The following STPG2 variants were observed in gnomAD, a reference collection of about 807,000 sequenced individuals.
The protein encoded by STPG2 is sperm tail PG-rich repeat containing 2.
A neutral mutation model predicts 54.2 loss-of-function variants in STPG2; 56 were observed. The observed-to-expected ratio is 1.03, with a 90% CI of 0.83 to 1.29. STPG2 has a LOEUF of 1.29. Among genes scored for constraint, STPG2 ranks in the 50% most tolerant of loss-of-function variants. The probability of loss-of-function intolerance (pLI) is 0.00; values close to 1 mark genes in which losing one functional copy is unlikely to be tolerated. For missense variants in STPG2, 596 were observed against 544.9 expected, an observed-to-expected ratio of 1.09 and a Z score of -0.93; for synonymous variants, 200 against 181.8, an observed-to-expected ratio of 1.10 and a Z score of -0.81.
At chr4:97,548,956 C>A (rs1731905279) in intron 4 of STPG2, among the ~76,000 whole-genome samples, 1 of 32,664 alleles carries the variant, frequency 3.1e-5, no homozygotes, top group African/African-American at 3.1e-4. Context: ...CCTGAAAACT[C>A]ATTTTTATTG....
chr4:97,498,154 T>G (rs1239093233), intron 4 of STPG2, among the ~76,000 whole-genome samples: 1 of 152,010 alleles, frequency 6.6e-6, no homozygotes, highest in East Asian at 1.9e-4. Context: ...AAACATAGTC[T>G]AGTCCCCATG....
At chr4:98,010,326 T>C (rs1157984568) in intron 5 of STPG2, among the ~76,000 whole-genome samples, 1 of 152,140 alleles carries the variant, frequency 6.6e-6, no homozygotes, top group East Asian at 1.9e-4. Context: ...ACGTTTTAAT[T>C]GCCTTCTTAA....
chr4:98,118,694 A>G lies in STPG2; in HGVS notation c.388-9389T>C, dbSNP rs571773255. ...TGCTGCTATGGAAGTAGGGCTCCTTAAAGAAGTGGCTGATTGCAAGGCTCA... is the reference window on the plus strand; with the variant it reads ...TGCTGCTATGGAAGTAGGGCTCCTTGAAGAAGTGGCTGATTGCAAGGCTCA... On this transcript the variant is annotated intron_variant, in intron 3 of 10. Coordinates refer to ENST00000295268, the MANE Select transcript of STPG2 (RefSeq NM_174952.3). 2.0e-5 allele frequency among the ~76,000 whole-genome samples: 3 copies of G among 152,244 alleles called. No individual in the cohort carries two copies. In the East Asian group the frequency reaches 5.8e-4, roughly 29 times the overall value.
At chr4:97,997,778 T>C in intron 5 of STPG2, among the ~76,000 whole-genome samples, 1 of 152,118 alleles carries the variant, frequency 6.6e-6, no homozygotes, top group Non-Finnish European at 1.5e-5. Context: ...AAATACTACA[T>C]GTTCTCACTT....
chr4:97,712,808 G>T lies in STPG2; in HGVS notation c.1211C>A (p.Ala404Glu). The T allele has an allele frequency of 1.3e-6, 2 of 1,590,320 alleles. No homozygotes were observed. The highest frequency in any genetic ancestry group is 8.6e-7 in the Non-Finnish European group (1 of 1,167,564). The part of the protein sequence containing the change: ...LEKVTDGPGP[A>E]AYNPVLRKSC... Reference sequence around the variant, plus strand: ...TTTCCTTAAAACAGGATTGTATGCTGCAGGACCTGAGAGACAACAAATGTA... The same window carrying T: ...TTTCCTTAAAACAGGATTGTATGCTTCAGGACCTGAGAGACAACAAATGTA... The change falls in exon 10 of 11, where the codon GCA becomes GAA. Residue 404 changes from alanine (A) to glutamate (E), a missense_variant. Physicochemically the swap from Ala to Glu is moderately radical, Grantham distance 107 (BLOSUM62 -1). Transcript: ENST00000295268.
At chr4:97,722,499 T>A (rs1327184079) in intron 9 of STPG2, among the ~76,000 whole-genome samples, 2 of 152,114 alleles carry the variant, frequency 1.3e-5, no homozygotes, top group East Asian at 3.8e-4. Context: ...TTGAGGGGTT[T>A]TATTTTGTGT....
At chr4:97,622,310 C>T (rs999803308) in intron 10 of STPG2, among the ~76,000 whole-genome samples, 1 of 151,960 alleles carries the variant, frequency 6.6e-6, no homozygotes, top group African/African-American at 2.4e-5. Flanking sequence ...TAAAAGGCAT[C>T]CAAATAGGAA....
At chr4:97,747,146 C>G (rs943202915) in intron 9 of STPG2, among the ~76,000 whole-genome samples, 22 of 151,210 alleles carry the variant, frequency 1.5e-4, no homozygotes, top group African/African-American at 4.6e-4. Context: ...TGTCTAATCT[C>G]TATAGTGGAG....
At chr4:97,874,868 T>C (rs1730116870) in intron 8 of STPG2, among the ~76,000 whole-genome samples, 1 of 151,824 alleles carries the variant, frequency 6.6e-6, no homozygotes, top group Non-Finnish European at 1.5e-5. Flanking sequence ...AGAAAAGTTA[T>C]GACTCTCTCC....
At chr4:98,121,373 A>ACT (rs35686065) in intron 3 of STPG2, among the ~76,000 whole-genome samples, 60,008 of 151,670 alleles carry the variant, frequency 0.4, 12,085 homozygotes, top group Middle Eastern at 0.46. Flanking sequence ...GGCTATACAG[A>ACT]CTCTTTTGGT....
intron 8 of STPG2, among the ~76,000 whole-genome samples, chr4:97,935,423 C>T (rs189177343): frequency 1.2e-4 from 19 of 152,236 alleles, no homozygotes; most frequent in African/African-American, 4.6e-4. Context: ...CTTCTGCTAG[C>T]TTTTGGATTT....
intron 9 of STPG2, among the ~76,000 whole-genome samples, chr4:97,717,689 G>A (rs1331520943): frequency 7.9e-5 from 12 of 152,112 alleles, no homozygotes; most frequent in Admixed American, 6.6e-5. Flanking sequence ...TAAATACATT[G>A]TAGATAAATT....
intron 8 of STPG2, among the ~76,000 whole-genome samples, chr4:97,874,727 C>T (rs923610570): frequency 2.6e-5 from 4 of 151,660 alleles, no homozygotes; most frequent in African/African-American, 7.3e-5. Context: ...TGTGCCCCCC[C>T]AAAATTTGTA....
intron 5 of STPG2, among the ~76,000 whole-genome samples, chr4:98,093,816 A>G (rs947692656): frequency 1.3e-5 from 2 of 152,184 alleles, no homozygotes; most frequent in Non-Finnish European, 2.9e-5. Flanking sequence ...GAATAAAGCC[A>G]TGCTGAGCTC....
chr4:97,979,253 G>C (rs1318418430), intron 6 of STPG2, among the ~76,000 whole-genome samples: 2 of 71,776 alleles, frequency 2.8e-5, no homozygotes, highest in South Asian at 1.2e-3. Flanking sequence ...ATTTCATAGA[G>C]AAAAAAGGAT....
intron 8 of STPG2, among the ~76,000 whole-genome samples, chr4:97,868,684 C>T (rs949470462): frequency 6.6e-6 from 1 of 151,778 alleles, no homozygotes; most frequent in African/African-American, 2.4e-5. Flanking sequence ...TACAACTCCC[C>T]ATCTCAGACA....
intron 10 of STPG2, among the ~76,000 whole-genome samples, chr4:97,603,244 C>T (rs1279186176): frequency 3.3e-5 from 5 of 151,370 alleles, no homozygotes; most frequent in Non-Finnish European, 7.4e-5. Context: ...GGGAAATACA[C>T]ATCAAAACCA....
At chr4:97,686,037 G>A (rs1723179121) in intron 10 of STPG2, among the ~76,000 whole-genome samples, 1 of 152,154 alleles carries the variant, frequency 6.6e-6, no homozygotes, top group African/African-American at 2.4e-5. Flanking sequence ...AACGTGGACT[G>A]TTTAGGGGCA....
chr4:97,661,713 G>A (rs1391042881), intron 10 of STPG2, among the ~76,000 whole-genome samples: 1 of 151,452 alleles, frequency 6.6e-6, no homozygotes, highest in Non-Finnish European at 1.5e-5. Flanking sequence ...ATTAATAGGG[G>A]AGAAAAGGCC....
Sources: gnomAD v4.1 joint callset for allele counts (sites outside exome capture counted in the v4.1 genomes callset) on GRCh38, gnomAD v4.1.1 for gene constraint, MANE v1.5 for transcripts, NCBI Gene and HGNC (gene_info 2026-07-23, HGNC 2026-07-21) for gene names.